The following FGF12 variants were observed in gnomAD, a reference collection of about 807,000 sequenced individuals.
The protein encoded by FGF12 is fibroblast growth factor 12B.
FGF12 carries 14 observed loss-of-function variants against 23.6 expected under a neutral mutation model. The observed-to-expected ratio is 0.59, with a 90% CI of 0.39 to 0.93. FGF12 has a LOEUF of 0.93. Among genes scored for constraint, FGF12 ranks in the 40% least tolerant of loss-of-function variants. The probability of loss-of-function intolerance (pLI) is 0.00; values close to 1 mark genes in which losing one functional copy is unlikely to be tolerated. For synonymous variants in FGF12, 62 were observed against 77.3 expected (o/e 0.80, Z 1.04); for missense variants, 175 against 217.8 (o/e 0.80, Z 1.24).
intron 2 of FGF12, among the ~76,000 whole-genome samples, chr3:192,518,022 T>G (rs1724722764): frequency 6.6e-6 from 1 of 152,210 alleles, no homozygotes; most frequent in South Asian, 2.1e-4. Flanking sequence ...TGATGTATTT[T>G]AGTTTGAACA....
chr3:192,161,389 A>T (rs1447947099), intron 5 of FGF12, among the ~76,000 whole-genome samples: 1 of 152,048 alleles, frequency 6.6e-6, no homozygotes, highest in Non-Finnish European at 1.5e-5. Flanking sequence ...ACACATTTGT[A>T]TCTATGTCTT....
At chr3:192,395,645 G>A (rs1720484434) in intron 2 of FGF12, among the ~76,000 whole-genome samples, 1 of 152,214 alleles carries the variant, frequency 6.6e-6, no homozygotes. Context: ...TCCAGCGGCA[G>A]AGACAAACAG....
At chr3:192,483,365 T>A (rs9842755) in intron 2 of FGF12, among the ~76,000 whole-genome samples, 15,075 of 152,072 alleles carry the variant, frequency 0.099, 2,422 homozygotes, top group African/African-American at 0.34. Context: ...GATTTGTAAC[T>A]TGCTTGCTCT....
chr3:192,678,964 T>C (rs1420731033), intron 2 of FGF12, among the ~76,000 whole-genome samples: 6 of 152,170 alleles, frequency 3.9e-5, no homozygotes, highest in Admixed American at 3.9e-4. Flanking sequence ...TCAGGGGTTA[T>C]GCGGGTGAGG....
At chr3:192,179,982 C>T (rs11721107) in intron 4 of FGF12, among the ~76,000 whole-genome samples, 10,269 of 152,164 alleles carry the variant, frequency 0.067, 561 homozygotes, top group South Asian at 0.25. Context: ...GCCTGAGCAG[C>T]GGGCAGAGAA....
At chr3:192,609,876 A>T (rs371065406) in intron 2 of FGF12, among the ~76,000 whole-genome samples, 2 of 152,116 alleles carry the variant, frequency 1.3e-5, no homozygotes, top group East Asian at 3.8e-4. Context: ...AAACAGACGT[A>T]GAACTTTGTC....
intron 2 of FGF12, among the ~76,000 whole-genome samples, chr3:192,419,158 T>C (rs1340365953): frequency 6.6e-6 from 1 of 152,198 alleles, no homozygotes; most frequent in Non-Finnish European, 1.5e-5. Flanking sequence ...TTCATGACTT[T>C]TTTTAGGATG....
chr3:192,466,026 G>C (rs892601719), intron 2 of FGF12, among the ~76,000 whole-genome samples: 3 of 152,112 alleles, frequency 2.0e-5, no homozygotes, highest in African/African-American at 4.8e-5. Flanking sequence ...AGCATTGTGC[G>C]ATCACCACGG....
intron 2 of FGF12, among the ~76,000 whole-genome samples, chr3:192,528,686 G>A (rs1210630246): frequency 2.0e-5 from 3 of 152,168 alleles, no homozygotes; most frequent in Non-Finnish European, 4.4e-5. Context: ...GAACATCTAG[G>A]CGTTTCCTTA....
Position 192,507,334 on chromosome 3 carries a change from TACACACACACACACACAC to T in FGF12, c.14-146814_14-146797del, listed in dbSNP as rs35433581. 3.7e-3 allele frequency among the ~76,000 whole-genome samples: 529 copies of T among 144,720 alleles called. 5 individuals are homozygous for T. Among genetic ancestry groups the T allele is most frequent in the East Asian group, 0.017 (84 of 4,928 alleles). The allele number at this position is 144,720 out of a possible 152,430, so 94.9% of individuals were successfully genotyped here. On this transcript the variant is annotated intron_variant, in intron 2 of 5. Transcript: ENST00000445105. ...GCAATTTTTAATGCATTTGACCAAA[TACACACACACACACACAC>T]ACACACACACACACACACACACACA...
chr3:192,651,199 C>T (rs142571544), intron 2 of FGF12, among the ~76,000 whole-genome samples: 133 of 152,294 alleles, frequency 8.7e-4, no homozygotes, highest in African/African-American at 3.1e-3. Context: ...GATGAGCAAA[C>T]AGAACATTGA....
intron 5 of FGF12, among the ~76,000 whole-genome samples, chr3:192,148,838 A>G (rs1305835179): frequency 6.6e-6 from 1 of 152,222 alleles, no homozygotes; most frequent in Non-Finnish European, 1.5e-5. Flanking sequence ...GAGAAATCTG[A>G]TGAAAATATT....
At chr3:192,325,343 A>C (rs542739503) in intron 4 of FGF12, among the ~76,000 whole-genome samples, 1 of 152,314 alleles carries the variant, frequency 6.6e-6, no homozygotes, top group Admixed American at 6.5e-5. Flanking sequence ...TATGAGAAGA[A>C]AAAATTATGT....
chr3:192,414,666 T>TTC (rs1721290203), intron 2 of FGF12, among the ~76,000 whole-genome samples: 1 of 152,194 alleles, frequency 6.6e-6, no homozygotes, highest in South Asian at 2.1e-4. Context: ...CCCAAGGTCA[T>TTC]ACAATCAATG....
chr3:192,145,198 T>C (rs1490399830), intron 5 of FGF12, among the ~76,000 whole-genome samples: 1 of 152,264 alleles, frequency 6.6e-6, no homozygotes, highest in African/African-American at 2.4e-5. Context: ...ATTGCATATT[T>C]ATGAAGATTA....
intron 2 of FGF12, among the ~76,000 whole-genome samples, chr3:192,647,680 T>C (rs1353916620): frequency 4.0e-5 from 6 of 149,252 alleles, no homozygotes; most frequent in Admixed American, 2.0e-4. Context: ...AAGATACATA[T>C]ATACATATAT....
intron 4 of FGF12, among the ~76,000 whole-genome samples, chr3:192,225,919 A>C (rs1345324811): frequency 2.6e-5 from 4 of 152,184 alleles, no homozygotes; most frequent in Non-Finnish European, 5.9e-5. Flanking sequence ...ATACAGACAG[A>C]TAGTAAACTG....
At chr3:192,492,846 T>C (rs1723838681) in intron 2 of FGF12, among the ~76,000 whole-genome samples, 1 of 152,054 alleles carries the variant, frequency 6.6e-6, no homozygotes, top group African/African-American at 2.4e-5. Flanking sequence ...TCTGGGTCAG[T>C]TCCAAAATTT....
At chr3:192,684,181 C>T (rs1189991374) in intron 2 of FGF12, among the ~76,000 whole-genome samples, 1 of 152,152 alleles carries the variant, frequency 6.6e-6, no homozygotes, top group Non-Finnish European at 1.5e-5. Context: ...GTAATTCTGA[C>T]ACAGGCGATC....
Sources: gnomAD v4.1 joint callset for allele counts (sites outside exome capture counted in the v4.1 genomes callset) on GRCh38, gnomAD v4.1.1 for gene constraint, MANE v1.5 for transcripts, NCBI Gene and HGNC (gene_info 2026-07-23, HGNC 2026-07-21) for gene names.